Variants in ARMH3 observed in about 807,000 individuals in gnomAD.
The protein encoded by ARMH3 is armadillo-like helical domain-containing protein 3.
In ARMH3, 60 loss-of-function variants were observed where a neutral mutation model predicts 99.1. That is an observed-to-expected ratio of 0.61 (90% confidence interval 0.49 to 0.75). ARMH3 has a LOEUF of 0.75. Among genes scored for constraint, ARMH3 ranks in the 30% least tolerant of loss-of-function variants. The probability of loss-of-function intolerance (pLI) is 0.00; values close to 1 mark genes in which losing one functional copy is unlikely to be tolerated. For synonymous variants in ARMH3, 285 were observed against 292.8 expected (o/e 0.97, Z 0.27); for missense variants, 679 against 843.1 (o/e 0.81, Z 2.41).
intron 23 of ARMH3, among the ~76,000 whole-genome samples, chr10:101,924,609 C>G (rs1313436877): frequency 6.6e-6 from 1 of 151,862 alleles, no homozygotes; most frequent in Non-Finnish European, 1.5e-5. Flanking sequence ...CCCACCTCGG[C>G]CTCCCAAAGT....
In ARMH3 at chr10:101,847,486, C is replaced by A; in HGVS notation, c.*42G>T. 6.3e-7 allele frequency: 1 copy of A among 1,590,138 alleles called. No individual in the cohort carries two copies. Among genetic ancestry groups the A allele is most frequent in the Non-Finnish European group, 8.6e-7 (1 of 1,158,428 alleles). ...CGCTCCCCCTCCAGCCCATGATCCT[C>A]ATGGGTAAGGGCAGTCAGAGGCTGC... On this transcript the variant is annotated 3_prime_UTR_variant, in exon 26 of 26. Coordinates refer to ENST00000370033, the MANE Select transcript of ARMH3 (RefSeq NM_024541.3).
intron 20 of ARMH3, 101 bp downstream of exon 20, chr10:101,975,111 C>T: frequency 4.4e-6 from 1 of 228,700 alleles, no homozygotes; most frequent in Non-Finnish European, 7.1e-6. Context: ...GCAACCTAAA[C>T]AAACCAAAAG....
intron 19 of ARMH3, among the ~76,000 whole-genome samples, chr10:101,984,695 T>C (rs1846383516): frequency 6.6e-6 from 1 of 152,072 alleles, no homozygotes; most frequent in South Asian, 2.1e-4. Context: ...GGTGACATCA[T>C]TAGCCTTGTG....
intron 20 of ARMH3, among the ~76,000 whole-genome samples, chr10:101,965,230 G>A (rs928328159): frequency 6.6e-6 from 1 of 152,068 alleles, no homozygotes; most frequent in Non-Finnish European, 1.5e-5. Context: ...TCTTTCCACA[G>A]ACACTCCCAA....
intron 23 of ARMH3, among the ~76,000 whole-genome samples, chr10:101,906,617 T>A (rs969838737): frequency 1.3e-5 from 2 of 152,222 alleles, no homozygotes; most frequent in Non-Finnish European, 2.9e-5. Context: ...GAATTTAAAG[T>A]AACTGAGATT....
At chr10:101,889,361 C>T (rs1260505563) in intron 24 of ARMH3, 51 bp downstream of exon 24, 2 of 1,522,148 alleles carry the variant, frequency 1.3e-6, no homozygotes, top group East Asian at 2.3e-5. Context: ...GAGAAGGCAA[C>T]TGCTTGATCC....
chr10:101,896,704 T>C (rs2067845407), intron 23 of ARMH3, among the ~76,000 whole-genome samples: 1 of 152,256 alleles, frequency 6.6e-6, no homozygotes, highest in Admixed American at 6.5e-5. Context: ...TTTCTAAAGC[T>C]TGCATATGTT....
At chr10:102,017,022 T>G (rs1194209956) in intron 8 of ARMH3, among the ~76,000 whole-genome samples, 4 of 152,362 alleles carry the variant, frequency 2.6e-5, no homozygotes, top group African/African-American at 9.6e-5. Context: ...TCACTTTCTC[T>G]GTGCTTAGTT....
intron 20 of ARMH3, among the ~76,000 whole-genome samples, chr10:101,961,825 A>C (rs1564797521): frequency 6.6e-6 from 1 of 152,238 alleles, no homozygotes; most frequent in Admixed American, 6.5e-5. Context: ...ATAACTAAAA[A>C]ATAAGGGGAT....
chr10:101,957,710 G>T lies in ARMH3; in HGVS notation c.1518C>A (p.Phe506Leu). ...LWSALINLLKFLMSNETVLLA... is the reference protein window; with the variant it reads ...LWSALINLLKLLMSNETVLLA... ...AAAGTACAGTCTCATTTGACATAAG[G>T]AACTTCAGCAAATTTATCAAGGCTT... Residue 506 changes from phenylalanine to leucine, a missense_variant, in exon 21 of 26, where the codon TTC (phenylalanine) becomes TTA (leucine). Physicochemically the swap from Phe to Leu is conservative, Grantham distance 22. Around this residue, in one of 3 missense-constraint regions of ARMH3, gnomAD observed 389 missense variants for 456.5 expected, o/e 0.85. Transcript: ENST00000370033. 1 of 1,580,746 alleles carries T rather than the reference G, an allele frequency of 6.3e-7. No homozygotes were observed. The highest frequency in any genetic ancestry group is 1.2e-5 in the South Asian group (1 of 85,558).
At chr10:102,007,658 A>T (rs972815946) in intron 13 of ARMH3, among the ~76,000 whole-genome samples, 1 of 132,928 alleles carries the variant, frequency 7.5e-6, no homozygotes, top group African/African-American at 2.9e-5. Flanking sequence ...GTCTCTACTA[A>T]AAAAAAAAAA....
chr10:101,890,984 C>G (rs1316355224), intron 23 of ARMH3, among the ~76,000 whole-genome samples: 1 of 151,296 alleles, frequency 6.6e-6, no homozygotes, highest in Non-Finnish European at 1.5e-5. Context: ...AAGCAATCCT[C>G]CCACTTCAGC....
At chr10:101,995,548 T>C (rs1031113135) in intron 15 of ARMH3, among the ~76,000 whole-genome samples, 193 bp from the exon 16 acceptor site, 7 of 152,152 alleles carry the variant, frequency 4.6e-5, no homozygotes, top group Non-Finnish European at 1.0e-4. Flanking sequence ...CCCCAGAAGA[T>C]TTATTTTTTT....
Position 101,849,837 on chromosome 10 carries a change from C to T in ARMH3, c.1916G>A (p.Gly639Asp). 2 of 1,614,170 alleles carry T rather than the reference C, an allele frequency of 1.2e-6. No individual in the cohort carries two copies. Among genetic ancestry groups the T allele is most frequent in the Non-Finnish European group, 8.5e-7 (1 of 1,180,032 alleles). The change falls in exon 25 of 26, where the codon GGC (glycine) becomes GAC (aspartate). Residue 639 changes from glycine (G) to aspartate (D), a missense_variant. By Grantham distance (94) the Gly-to-Asp change is moderately conservative. This residue lies in a region of ARMH3 where 389 missense variants were observed against 456.5 expected (regional missense o/e 0.85). Coordinates refer to ENST00000370033, the MANE Select transcript of ARMH3 (RefSeq NM_024541.3). The part of the protein sequence containing the change: ...YDTLTLKLQD[G>D]LDQYERYSEQ... Reference sequence around the variant, plus strand: ...TGAGTAGCGCTCATACTGGTCCAGGCCATCCTGCAGCTTCAGCGTGAGCGT... The same window carrying T: ...TGAGTAGCGCTCATACTGGTCCAGGTCATCCTGCAGCTTCAGCGTGAGCGT...
intron 23 of ARMH3, among the ~76,000 whole-genome samples, chr10:101,914,583 G>A (rs931165284): frequency 9.9e-5 from 15 of 151,486 alleles, no homozygotes; most frequent in African/African-American, 3.6e-4. Flanking sequence ...AACTTAAAAT[G>A]GGCTGGGTGC....
At position 102,034,565 on chromosome 10, in the gene ARMH3, G is replaced by A. The variant is rs2067204856; in HGVS notation, c.103-1226C>T. Among the ~76,000 whole-genome samples the A allele has an allele frequency of 2.0e-5, 3 of 151,320 alleles. 1 individual carries two copies. In the South Asian group the frequency reaches 6.3e-4, roughly 32 times the overall value. ...GCAGGAGAATGGCGTGAACCTGGGA[G>A]GCGGAGCTTGCAGTGAGCCGAGATC... On this transcript the variant is annotated intron_variant, in intron 2 of 25. Coordinates refer to ENST00000370033, the MANE Select transcript of ARMH3 (RefSeq NM_024541.3).
chr10:102,033,417 T>C (rs891070728), intron 2 of ARMH3, 78 bp from the exon 3 acceptor site: 6 of 1,457,586 alleles, frequency 4.1e-6, no homozygotes, highest in African/African-American at 1.4e-5. Context: ...TAGTCAACCT[T>C]AGTTTTCTTT....
intron 23 of ARMH3, among the ~76,000 whole-genome samples, chr10:101,916,021 G>A (rs1843072665): frequency 6.6e-6 from 1 of 152,020 alleles, no homozygotes; most frequent in Admixed American, 6.6e-5. Flanking sequence ...AGCGAGGATG[G>A]TCTCGATCTC....
At chr10:101,940,115 A>G (rs1470641762) in intron 22 of ARMH3, among the ~76,000 whole-genome samples, 177 bp from the exon 23 acceptor site, 1 of 152,240 alleles carries the variant, frequency 6.6e-6, no homozygotes, top group Non-Finnish European at 1.5e-5. Context: ...GAATTCTCGC[A>G]ACTATTTTCA....
Sources: allele counts gnomAD v4.1 joint callset (sites outside exome capture counted in the v4.1 genomes callset), GRCh38; gene constraint gnomAD v4.1.1; regional missense constraint gnomAD v4.1.1; transcripts MANE v1.5; gene names NCBI Gene and HGNC (gene_info 2026-07-23, HGNC 2026-07-21).